The following MRAP2 variants were observed in gnomAD, a reference collection of about 807,000 sequenced individuals.
The protein encoded by MRAP2 is melanocortin-2 receptor accessory protein 2.
Under a neutral mutation model 17.4 loss-of-function variants are expected in MRAP2, and 20 were observed. The observed-to-expected ratio is 1.15, with a 90% CI of 0.81 to 1.67. The LOEUF is 1.67. Ranked by LOEUF, MRAP2 falls within the 40% of genes most tolerant of loss-of-function variation. The pLI, the probability that MRAP2 is intolerant of heterozygous loss-of-function variation, is 0.00. For missense variants in MRAP2, 238 were observed against 240.0 expected, an observed-to-expected ratio of 0.99 and a Z score of 0.05; for synonymous variants, 96 against 88.4, an observed-to-expected ratio of 1.09 and a Z score of -0.48.
chr6:84,088,435 C>T (rs2099501015), intron 3 of MRAP2, among the ~76,000 whole-genome samples: 2 of 152,154 alleles, frequency 1.3e-5, no homozygotes, highest in South Asian at 4.1e-4. Context: ...GTTTTATTCC[C>T]ACTCATACCA....
At chr6:84,081,214 T>C (rs1325049242) in intron 3 of MRAP2, among the ~76,000 whole-genome samples, 1 of 152,190 alleles carries the variant, frequency 6.6e-6, no homozygotes, top group Admixed American at 6.5e-5. Flanking sequence ...ATGAAAAAGG[T>C]AGGCATTAAG....
the MRAP2 span, chr6:84,126,351 T>A: frequency 6.5e-7 from 1 of 1,534,578 alleles, no homozygotes; most frequent in Non-Finnish European, 8.8e-7. Flanking sequence ...AAGACCTATA[T>A]AAATATGTAA....
chr6:84,072,290 C>G (rs905901942), intron 3 of MRAP2, among the ~76,000 whole-genome samples: 3 of 152,192 alleles, frequency 2.0e-5, no homozygotes, highest in Admixed American at 2.0e-4. Context: ...TACTCTCCCC[C>G]TTTTCCTATG....
intron 1 of MRAP2, among the ~76,000 whole-genome samples, chr6:84,052,000 G>A (rs542879088): frequency 1.3e-5 from 2 of 152,178 alleles, no homozygotes; most frequent in Non-Finnish European, 2.9e-5. Context: ...GCTAGCTTTC[G>A]GATGCAGTCC....
intron 3 of MRAP2, among the ~76,000 whole-genome samples, chr6:84,075,534 T>C (rs1431483691): frequency 2.0e-5 from 3 of 152,224 alleles, no homozygotes; most frequent in African/African-American, 7.2e-5. Context: ...CTTTCTGAGC[T>C]AAGGAACCAT....
chr6:84,060,967 G>C (rs1463987247), intron 2 of MRAP2, among the ~76,000 whole-genome samples: 2 of 151,174 alleles, frequency 1.3e-5, no homozygotes, highest in African/African-American at 2.4e-5. Context: ...CCAAAGTGCT[G>C]GGATTACAGG....
chr6:84,040,739 C>G (rs1442633342), intron 1 of MRAP2, among the ~76,000 whole-genome samples: 1 of 151,994 alleles, frequency 6.6e-6, no homozygotes, highest in Non-Finnish European at 1.5e-5. Flanking sequence ...TTTACCCTGC[C>G]CTAGAGATCT....
chr6:84,110,450 A>G, the MRAP2 span, among the ~76,000 whole-genome samples: 5 of 151,796 alleles, frequency 3.3e-5, no homozygotes, highest in East Asian at 9.7e-4. Context: ...TTTTCTTGTA[A>G]ATTTAAGTTC....
chr6:84,058,127 G>A (rs1001361161), intron 2 of MRAP2, among the ~76,000 whole-genome samples: 1 of 152,170 alleles, frequency 6.6e-6, no homozygotes, highest in African/African-American at 2.4e-5. Flanking sequence ...AGAAGTCACT[G>A]GAGGGTCTGG....
At chr6:84,046,912 G>A (rs1248011698) in intron 1 of MRAP2, among the ~76,000 whole-genome samples, 1 of 151,962 alleles carries the variant, frequency 6.6e-6, no homozygotes, top group African/African-American at 2.4e-5. Context: ...ACTCTGTCAG[G>A]GGTTGAAAGG....
At chr6:84,064,892 C>G (rs2099494239) in intron 3 of MRAP2, among the ~76,000 whole-genome samples, 1 of 152,216 alleles carries the variant, frequency 6.6e-6, no homozygotes, top group South Asian at 2.1e-4. Flanking sequence ...CTGTTGTTCA[C>G]TCTTCAGCCT....
At position 84,089,114 on chromosome 6, in the gene MRAP2, G is replaced by T; in HGVS notation, c.251G>T (p.Arg84Ile). The T allele has an allele frequency of 6.2e-7, 1 of 1,613,586 alleles. No individual in the cohort carries two copies. Among genetic ancestry groups the T allele is most frequent in the Non-Finnish European group, 8.5e-7 (1 of 1,179,832 alleles). ...HQDNAESSEK[R>I]FRMNSFVSDF... ...AGCAATGCAGAGTCCTCAGAGAAGA[G>T]ATTCAGAATGAACAGCTTTGTGTCA... The change falls in exon 4 of 4, where the codon AGA becomes ATA. Residue 84 changes from arginine to isoleucine, a missense_variant. Arg to Ile is a moderately conservative substitution (Grantham distance 97). Transcript: ENST00000257776.
At chr6:84,105,134 C>T in the MRAP2 span, among the ~76,000 whole-genome samples, 12 of 152,186 alleles carry the variant, frequency 7.9e-5, no homozygotes, top group Admixed American at 1.3e-4. Context: ...TTCCTGTCTT[C>T]TTCTGAGTCC....
the MRAP2 span, among the ~76,000 whole-genome samples, chr6:84,114,995 T>G: frequency 6.6e-6 from 1 of 152,236 alleles, no homozygotes; most frequent in Non-Finnish European, 1.5e-5. Context: ...AGCTCTCCTG[T>G]ATGAGGTGTC....
At chr6:84,126,543 C>A in the MRAP2 span, 2 of 1,422,182 alleles carry the variant, frequency 1.4e-6, no homozygotes, top group South Asian at 1.4e-5. Context: ...AAATGAAAAA[C>A]TATAATCACA....
At chr6:84,046,137 G>T (rs2099488963) in intron 1 of MRAP2, among the ~76,000 whole-genome samples, 1 of 152,184 alleles carries the variant, frequency 6.6e-6, no homozygotes, top group Non-Finnish European at 1.5e-5. Flanking sequence ...TGCCTTTATT[G>T]TGAAATTATA....
the MRAP2 span, among the ~76,000 whole-genome samples, chr6:84,133,027 T>C: frequency 6.6e-6 from 1 of 152,178 alleles, no homozygotes; most frequent in Admixed American, 6.5e-5. Context: ...GTGACCTAGA[T>C]ATGTGGTTTT....
chr6:84,081,635 A>G (rs1232168982), intron 3 of MRAP2, among the ~76,000 whole-genome samples: 2 of 152,240 alleles, frequency 1.3e-5, no homozygotes, highest in Non-Finnish European at 2.9e-5. Context: ...CATGGCCAAC[A>G]TGGTGAAATC....
At chr6:84,126,951 A>C in the MRAP2 span, among the ~76,000 whole-genome samples, 5 of 152,204 alleles carry the variant, frequency 3.3e-5, no homozygotes, top group African/African-American at 1.2e-4. Flanking sequence ...CTATAATTCT[A>C]TTTGTAATTC....
Sources: gnomAD v4.1 joint callset for allele counts (sites outside exome capture counted in the v4.1 genomes callset) on GRCh38, gnomAD v4.1.1 for gene constraint, MANE v1.5 for transcripts, NCBI Gene and HGNC (gene_info 2026-07-23, HGNC 2026-07-21) for gene names.